The following ECD variants were observed in gnomAD, a reference collection of about 807,000 sequenced individuals.
ECD encodes ecdysoneless cell cycle regulator.
Under a neutral mutation model 77.2 loss-of-function variants are expected in ECD, and 59 were observed. The ratio of observed to expected loss-of-function variants is 0.76; its 90% CI spans 0.62 to 0.95. The LOEUF (loss-of-function observed/expected upper bound fraction) is 0.95, where lower values mean the gene tolerates loss of function less well. Ranked by LOEUF, ECD falls within the 40% of genes least tolerant of loss-of-function variation. ECD has a pLI of 0.00. For missense variants in ECD, 704 were observed against 763.4 expected, an observed-to-expected ratio of 0.92 and a Z score of 0.92; for synonymous variants, 233 against 267.4, an observed-to-expected ratio of 0.87 and a Z score of 1.26.
intron 6 of ECD, among the ~76,000 whole-genome samples, chr10:73,152,805 G>A (rs913362958): frequency 5.3e-5 from 8 of 151,906 alleles, no homozygotes; most frequent in Middle Eastern, 3.2e-3. Flanking sequence ...CCAGCTACTC[G>A]GGAGGCTGAA....
intron 8 of ECD, among the ~76,000 whole-genome samples, chr10:73,147,568 ATAT>A (rs1843146292): frequency 6.6e-6 from 1 of 152,008 alleles, no homozygotes; most frequent in Non-Finnish European, 1.5e-5. Context: ...AAAAAATACC[ATAT>A]ATATACTATA....
chr10:73,136,860 TA>T lies in ECD; in HGVS notation c.1547del (p.Leu516Ter), dbSNP rs1564658885. 5 of 1,613,912 alleles carry T rather than the reference TA, an allele frequency of 3.1e-6. No individual in the cohort carries two copies. In the Admixed American group the frequency reaches 8.3e-5, roughly 27 times the overall value. On this transcript the variant is annotated frameshift_variant, in exon 13 of 14. Transcript: ENST00000372979. LOFTEE classifies it high-confidence loss of function. ...DDLDDEDFEC[L>X]DSDDDLDFET... ...CAAAGTCCAAGTCATCATCACTATCTAAACATTCAAAGTCTTCATCATCCAG... is the reference window on the plus strand; with the variant it reads ...CAAAGTCCAAGTCATCATCACTATCTAACATTCAAAGTCTTCATCATCCAG...
Position 73,134,484 on chromosome 10 carries a change from G to T in ECD, c.*99C>A. On this transcript the variant is annotated 3_prime_UTR_variant, in exon 14 of 14. Coordinates refer to ENST00000372979, the MANE Select transcript of ECD (RefSeq NM_007265.3). Reference sequence around the variant, plus strand: ...GAAGTCAATCTGTAAAACTTGTAATGAAGAAACATTTTTACTAAATGAGTA... The same window carrying T: ...GAAGTCAATCTGTAAAACTTGTAATTAAGAAACATTTTTACTAAATGAGTA... 8.4e-7 allele frequency: 1 copy of T among 1,184,274 alleles called. No homozygotes were observed. The highest frequency in any genetic ancestry group is 1.2e-6 in the Non-Finnish European group (1 of 849,710). 73.4% of individuals were successfully genotyped at this position (1,184,274 alleles called of 1,614,324 possible).
rs548792464 is a variant in ECD, at chr10:73,146,699, G to T, written c.1042-338C>A. Among the ~76,000 whole-genome samples the T allele has an allele frequency of 3.9e-5, 6 of 152,256 alleles. No individual in the cohort carries two copies. In the East Asian group the frequency reaches 1.2e-3, roughly 29 times the overall value. The stretch of plus-strand genomic sequence containing the variant: ...CGCCTATAATCCCAACACTTTGGGA[G>T]GATGAGATGGGCAGACTGCTTGAGC... On this transcript the variant is annotated intron_variant, in intron 8 of 13. Transcript: ENST00000372979.
intron 9 of ECD, among the ~76,000 whole-genome samples, chr10:73,142,010 C>A (rs1040423678): frequency 6.6e-6 from 1 of 152,050 alleles, no homozygotes; most frequent in Non-Finnish European, 1.5e-5. Context: ...GGCTAGAGTG[C>A]GTGGCATGAT....
chr10:73,154,617 G>A (rs564296625), intron 5 of ECD, among the ~76,000 whole-genome samples, 169 bp from the exon 6 acceptor site: 3 of 152,058 alleles, frequency 2.0e-5, no homozygotes, highest in Non-Finnish European at 4.4e-5. Context: ...ATACGAGAGA[G>A]GGAAAGAAAA....
chr10:73,134,008 C>T lies in ECD; in HGVS notation c.*575G>A, dbSNP rs1842950082. On this transcript the variant is annotated 3_prime_UTR_variant, in exon 14 of 14. Coordinates refer to ENST00000372979, the MANE Select transcript of ECD (RefSeq NM_007265.3). ...CACAATTTTGTAAATATACTAAAAACCACTGAATTGTATAATTTAAAGGGT... is the reference window on the plus strand; with the variant it reads ...CACAATTTTGTAAATATACTAAAAATCACTGAATTGTATAATTTAAAGGGT... 6.6e-6 allele frequency: 1 copy of T among 152,262 alleles called. No homozygotes were observed. Among genetic ancestry groups the T allele is most frequent in the African/African-American group, 2.4e-5 (1 of 41,384 alleles). The allele number at this position is 152,262 out of a possible 1,614,324, so 9.4% of individuals were successfully genotyped here.
chr10:73,149,324 G>C (rs1387306485), intron 7 of ECD, among the ~76,000 whole-genome samples: 3 of 147,196 alleles, frequency 2.0e-5, no homozygotes, highest in Non-Finnish European at 3.0e-5. Flanking sequence ...CCCAACTTAT[G>C]ATGGTTTGAC....
Position 73,148,407 on chromosome 10 carries a change from A to G in ECD, c.913-3T>C. 1 of 1,609,892 alleles carries G rather than the reference A, an allele frequency of 6.2e-7. No individual in the cohort carries two copies. The highest frequency in any genetic ancestry group is 8.5e-7 in the Non-Finnish European group (1 of 1,178,480). ...CATAAGATCTCAAATCCATGAGCCT[A>G]GATGAGATAGGTAGAATTTTTGTTA... On this transcript the variant is annotated splice_polypyrimidine_tract_variant and splice_region_variant and intron_variant, in intron 7 of 13. Coordinates refer to ENST00000372979, the MANE Select transcript of ECD (RefSeq NM_007265.3).
Position 73,148,407 on chromosome 10 carries a change from A to C in ECD, c.913-3T>G, listed in dbSNP as rs1364628565. On this transcript the variant is annotated splice_polypyrimidine_tract_variant and splice_region_variant and intron_variant, in intron 7 of 13. Transcript: ENST00000372979. ...CATAAGATCTCAAATCCATGAGCCT[A>C]GATGAGATAGGTAGAATTTTTGTTA... is the stretch of plus-strand genomic sequence containing the variant. The C allele has an allele frequency of 6.2e-7, 1 of 1,609,892 alleles. No individual in the cohort carries two copies. Among genetic ancestry groups the C allele is most frequent in the Admixed American group, 1.7e-5 (1 of 59,020 alleles).
chr10:73,152,347 C>A lies in ECD; in HGVS notation c.858G>T (p.Arg286Ser), dbSNP rs1324912739. 2 of 1,613,914 alleles carry A rather than the reference C, an allele frequency of 1.2e-6. No homozygotes were observed. Among genetic ancestry groups the A allele is most frequent in the South Asian group, 2.2e-5 (2 of 91,078 alleles). The change falls in exon 7 of 14, where the codon AGG (arginine) becomes AGT (serine). Residue 286 changes from arginine to serine, a missense_variant. Arg to Ser is a moderately radical substitution (Grantham distance 110). Around this residue, in one of 3 missense-constraint regions of ECD, gnomAD observed 559 missense variants for 583.7 expected, o/e 0.96. Coordinates refer to ENST00000372979, the MANE Select transcript of ECD (RefSeq NM_007265.3). ...ACTGGGGATCAGATGGAGGAGGCAG[C>A]CTGTATCCACTCCGCCGGTCTGGCA... ...RFVPDRRSGY[R>S]LPPPSDPQYR...
chr10:73,167,541 G>A (rs929227556), intron 1 of ECD, among the ~76,000 whole-genome samples: 8 of 152,012 alleles, frequency 5.3e-5, no homozygotes, highest in African/African-American at 1.9e-4. Flanking sequence ...TAAGAGACTC[G>A]TAAGGAACCT....
intron 5 of ECD, among the ~76,000 whole-genome samples, chr10:73,155,166 A>G (rs1157626773): frequency 2.0e-5 from 3 of 151,744 alleles, no homozygotes; most frequent in Admixed American, 6.6e-5. Flanking sequence ...CCCAGGTTCA[A>G]GTGATTTTCC....
Position 73,141,176 on chromosome 10 carries a change from T to C in ECD, c.1128-1439A>G, listed in dbSNP as rs1843051200. ...AGGCGGAGGTTGCAGTGAGCCAGGA[T>C]TGTGCCATTGCACTCCAGGCTGGGC... On this transcript the variant is annotated intron_variant, in intron 9 of 13. Coordinates refer to ENST00000372979, the MANE Select transcript of ECD (RefSeq NM_007265.3). Among the ~76,000 whole-genome samples the C allele has an allele frequency of 2.0e-5, 3 of 151,910 alleles. No homozygotes were observed. In the South Asian group the frequency reaches 6.2e-4, roughly 31 times the overall value.
intron 9 of ECD, among the ~76,000 whole-genome samples, chr10:73,144,988 G>A (rs1460396458): frequency 6.6e-6 from 1 of 152,092 alleles, no homozygotes; most frequent in Non-Finnish European, 1.5e-5. Context: ...ATTATACATT[G>A]TATGCCACAT....
intron 1 of ECD, among the ~76,000 whole-genome samples, chr10:73,164,450 T>C (rs1843424726): frequency 6.6e-6 from 1 of 152,110 alleles, no homozygotes; most frequent in Non-Finnish European, 1.5e-5. Context: ...TACAGTAATA[T>C]TTATTTAATT....
chr10:73,145,972 A>T (rs1564662283), intron 9 of ECD, among the ~76,000 whole-genome samples: 1 of 151,884 alleles, frequency 6.6e-6, no homozygotes. Flanking sequence ...AATTATGTTT[A>T]TAAAGACTTC....
intron 1 of ECD, among the ~76,000 whole-genome samples, chr10:73,164,551 T>A (rs1843426735): frequency 6.6e-6 from 1 of 151,908 alleles, no homozygotes; most frequent in South Asian, 2.1e-4. Flanking sequence ...CATTGCAACC[T>A]CCACCTCTTG....
intron 2 of ECD, among the ~76,000 whole-genome samples, chr10:73,163,094 T>C (rs1261472736): frequency 6.6e-6 from 1 of 152,216 alleles, no homozygotes; most frequent in African/African-American, 2.4e-5. Flanking sequence ...CTTGCCAAGA[T>C]AGACCTGTCC....
Sources: allele counts gnomAD v4.1 joint callset (sites outside exome capture counted in the v4.1 genomes callset), GRCh38; gene constraint gnomAD v4.1.1; regional missense constraint gnomAD v4.1.1; transcripts MANE v1.5; gene names NCBI Gene and HGNC (gene_info 2026-07-23, HGNC 2026-07-21).